Variants in STK25 observed in about 807,000 individuals in gnomAD.
STK25 encodes the protein serine/threonine-protein kinase 25.
In STK25, 29 loss-of-function variants were observed where a neutral mutation model predicts 53.8. The observed-to-expected ratio is 0.54, with a 90% CI of 0.40 to 0.74. STK25 has a LOEUF of 0.74. STK25 is among the 30% of genes least tolerant of loss of function. The pLI is 0.00. For synonymous variants in STK25, 247 were observed against 238.3 expected (o/e 1.04, Z -0.33); for missense variants, 420 against 568.0 (o/e 0.74, Z 2.65).
intron 5 of STK25, chr2:241,499,823 C>A: frequency 2.2e-6 from 1 of 455,950 alleles, no homozygotes; most frequent in Non-Finnish European, 4.1e-6. Context: ...TCCCCATGGG[C>A]TGGCCCAGCC....
rs922622453 is a variant in STK25 at position 241,493,719 on chromosome 2, T to C, written c.*1943A>G. The C allele has an allele frequency of 6.0e-4, 311 of 516,364 alleles. No individual in the cohort carries two copies. Among genetic ancestry groups the C allele is most frequent in the Admixed American group, 5.6e-4 (17 of 30,328 alleles). 32.0% of individuals were successfully genotyped at this position (516,364 alleles called of 1,614,324 possible). A position where few individuals can be genotyped will look rare whatever the true frequency, so the allele number is the denominator to read the frequency against. ...AAGCGATTCTTCTGCCTCAGCCTCC[T>C]GAGTAACTGAGATTACAGGCATGCA... On this transcript the variant is annotated 3_prime_UTR_variant, in exon 12 of 12. Transcript: ENST00000316586.
At position 241,507,919 on chromosome 2, in the gene STK25, G is replaced by A. The variant is rs535279641; in HGVS notation, c.30+87C>T. The A allele has an allele frequency of 4.4e-6, 6 of 1,368,220 alleles. No individual in the cohort carries two copies. The Admixed American group carries it at 6.1e-5, about 14-fold the overall frequency. The allele number at this position is 1,368,220 out of a possible 1,614,324, so 84.8% of individuals were successfully genotyped here. A position where few individuals can be genotyped will look rare whatever the true frequency, so the allele number is the denominator to read the frequency against. Reference sequence around the variant, plus strand: ...CTTCCCTCACCCCACTGCCCGCTCCGGCGTGGCGCTCCCCTCTGAACCCCC... The same window carrying A: ...CTTCCCTCACCCCACTGCCCGCTCCAGCGTGGCGCTCCCCTCTGAACCCCC... On this transcript the variant is annotated intron_variant, in intron 2 of 11. Transcript: ENST00000316586.
intron 11 of STK25, among the ~76,000 whole-genome samples, chr2:241,495,981 C>T (rs1039129349): frequency 2.0e-5 from 3 of 152,212 alleles, no homozygotes; most frequent in South Asian, 2.1e-4. Context: ...GTCCGTTGGG[C>T]GGTGGAGGGC....
intron 2 of STK25, among the ~76,000 whole-genome samples, chr2:241,506,388 A>G (rs890834237): frequency 6.6e-6 from 1 of 152,264 alleles, no homozygotes; most frequent in Non-Finnish European, 1.5e-5. Flanking sequence ...GATCGCACCA[A>G]GAACCAATAG....
upstream of STK25, chr2:241,508,800 G>A: frequency 1.0e-6 from 1 of 966,452 alleles, no homozygotes; most frequent in Non-Finnish European, 1.2e-6. Context: ...TGCGTCTCCC[G>A]GCAGGCCGCG....
intron 2 of STK25, among the ~76,000 whole-genome samples, chr2:241,503,662 A>T (rs13395025): frequency 0.04 from 5,803 of 146,006 alleles, 395 homozygotes; most frequent in African/African-American, 0.14. Context: ...GTGCCACTGC[A>T]CTCCAGCCTG....
At position 241,494,897 on chromosome 2, in the gene STK25, A is replaced by G. The variant is rs1291714125; in HGVS notation, c.*765T>C. Reference sequence around the variant, plus strand: ...CCGGTGGGCCAAGCAGAGCCCAGGAATCCGTCACAGGGAAGTTTCGAAGGG... The same window carrying G: ...CCGGTGGGCCAAGCAGAGCCCAGGAGTCCGTCACAGGGAAGTTTCGAAGGG... On this transcript the variant is annotated 3_prime_UTR_variant, in exon 12 of 12. Coordinates refer to ENST00000316586, the MANE Select transcript of STK25 (RefSeq NM_001271977.2). This position sits in a 1 kb window ranked among gnomAD's most constrained non-coding sequence, Gnocchi z 4.9. 6.6e-6 allele frequency: 1 copy of G among 152,016 alleles called. No homozygotes were observed. Among genetic ancestry groups the G allele is most frequent in the Non-Finnish European group, 1.5e-5 (1 of 68,034 alleles). The allele number at this position is 152,016 out of a possible 1,614,324, so 9.4% of individuals were successfully genotyped here. A position where few individuals can be genotyped will look rare whatever the true frequency, so the allele number is the denominator to read the frequency against.
At chr2:241,495,823 G>A in intron 11 of STK25, 122 bp from the exon 12 acceptor site, 1 of 979,582 alleles carries the variant, frequency 1.0e-6, no homozygotes, top group Non-Finnish European at 1.6e-6. Flanking sequence ...TGGGTCTGAA[G>A]GTGTCCCCAA....
rs530850538 is a variant in STK25, at chr2:241,496,780, G to A, written c.1105-246C>T. 8.9e-4 allele frequency among the ~76,000 whole-genome samples: 136 copies of A among 152,218 alleles called. 1 individual carries two copies. Among genetic ancestry groups the A allele is most frequent in the African/African-American group, 2.7e-3 (113 of 41,514 alleles). ...TTCCCCCTACACTCCGGGGAATCTC[G>A]GACCTCGGTTCTCAGGAGGGGACCA... On this transcript the variant is annotated intron_variant, in intron 10 of 11. Transcript: ENST00000316586. This position sits in a 1 kb window ranked among gnomAD's most constrained non-coding sequence, Gnocchi z 5.8.
rs777972537 is a variant in STK25 at position 241,498,756 on chromosome 2, T to C, written c.800A>G (p.His267Arg). The change falls in exon 8 of 12, where the codon CAC becomes CGC. Residue 267 changes from histidine (H) to arginine (R), a missense_variant. His to Arg is a conservative substitution (Grantham distance 29). Coordinates refer to ENST00000316586, the MANE Select transcript of STK25 (RefSeq NM_001271977.2). ...CTTGGTGTAGCGTGTGATGAACTTG[T>C]GCTTCAGGAGCTCCTTGGCCGTGGG... is the stretch of plus-strand genomic sequence containing the variant. ...FRPTAKELLK[H>R]KFITRYTKKT... is the part of the protein sequence containing the mutation. 1 of 1,614,134 alleles carries C rather than the reference T, an allele frequency of 6.2e-7. No individual in the cohort carries two copies. The highest frequency in any genetic ancestry group is 8.5e-7 in the Non-Finnish European group (1 of 1,180,020).
intron 2 of STK25, among the ~76,000 whole-genome samples, chr2:241,506,250 T>C (rs550367861): frequency 6.6e-6 from 1 of 152,338 alleles, no homozygotes; most frequent in African/African-American, 2.4e-5. Context: ...CCTCAGGTTT[T>C]CTGCCACTAT....
rs756879789 is a variant in STK25 at position 241,501,724 on chromosome 2, G to A, written c.31-16C>T. On this transcript the variant is annotated splice_polypyrimidine_tract_variant and intron_variant, in intron 2 of 11. Transcript: ENST00000316586. This position sits in a 1 kb window ranked among gnomAD's most constrained non-coding sequence, Gnocchi z 5.3. Reference sequence around the variant, plus strand: ...CTCGAGAGTGCTGTGGGGCCAGGGCGGGGACAGAGGGCAGACAGCGCCGGT... The same window carrying A: ...CTCGAGAGTGCTGTGGGGCCAGGGCAGGGACAGAGGGCAGACAGCGCCGGT... 161 of 1,598,804 alleles carry A rather than the reference G, an allele frequency of 1.0e-4. No individual in the cohort carries two copies. The highest frequency in any genetic ancestry group is 1.2e-4 in the Non-Finnish European group (142 of 1,168,796).
In STK25 at chr2:241,504,977, C is replaced by T. The variant is rs4276021; in HGVS notation, c.30+3029G>A. The stretch of plus-strand genomic sequence containing the variant: ...TGTTGCCCAGGCTGGAGTGCAGTGG[C>T]GTGATCTCGGCTCACTGCAACCTCC... On this transcript the variant is annotated intron_variant, in intron 2 of 11. Transcript: ENST00000316586. 7.2e-3 allele frequency among the ~76,000 whole-genome samples: 1,082 copies of T among 150,988 alleles called. 31 individuals carry two copies. In the South Asian group the frequency reaches 0.075, roughly 10 times the overall value.
chr2:241,508,744 G>A (rs901258287), upstream of STK25: 2 of 985,260 alleles, frequency 2.0e-6, no homozygotes, highest in Non-Finnish European at 2.4e-6. Flanking sequence ...CATGCGCGCC[G>A]CGAGGCTCTC....
At position 241,494,369 on chromosome 2, in the gene STK25, C is replaced by T; in HGVS notation, c.*1293G>A. 2 of 321,082 alleles carry T rather than the reference C, an allele frequency of 6.2e-6. No individual in the cohort carries two copies. The highest frequency in any genetic ancestry group is 7.9e-4 in the Middle Eastern group (1 of 1,262). The allele number at this position is 321,082 out of a possible 1,614,324, so 19.9% of individuals were successfully genotyped here. ...AAATGTGCGAGTCTTGAGCGCGGAG[C>T]CGCTCAAGCCACAGCTCCCAGGCCC... On this transcript the variant is annotated 3_prime_UTR_variant, in exon 12 of 12. Coordinates refer to ENST00000316586, the MANE Select transcript of STK25 (RefSeq NM_001271977.2). The surrounding 1 kb of genome is among the most constrained non-coding windows in gnomAD (Gnocchi z 4.9).
chr2:241,500,891 C>A, intron 3 of STK25, 95 bp from the exon 4 acceptor site: 1 of 1,217,986 alleles, frequency 8.2e-7, no homozygotes, highest in African/African-American at 1.5e-5. Context: ...AGGGCCCAGG[C>A]CCCACCGGTC....
chr2:241,495,882 G>C (rs1027338794), intron 11 of STK25, among the ~76,000 whole-genome samples, 181 bp from the exon 12 acceptor site: 3 of 152,252 alleles, frequency 2.0e-5, no homozygotes, highest in African/African-American at 7.2e-5. Flanking sequence ...CCCACCCCCA[G>C]AGCTGCTGCC....
Position 241,493,029 on chromosome 2 carries a change from C to CTCA in STK25, c.*2630_*2632dup, listed in dbSNP as rs747259324. ...AACTTCTGTTTGTTCTTCTACAAAA[C>CTCA]TCATCAGGTACTGGAGTTTCACTGG... On this transcript the variant is annotated 3_prime_UTR_variant, in exon 12 of 12. Coordinates refer to ENST00000316586, the MANE Select transcript of STK25 (RefSeq NM_001271977.2). 6.3e-7 allele frequency: 1 copy of CTCA among 1,576,512 alleles called. No homozygotes were observed. The highest frequency in any genetic ancestry group is 2.2e-5 in the East Asian group (1 of 44,720).
rs1233619468 is a variant in STK25 at position 241,501,279 on chromosome 2, G to A, written c.261+199C>T. On this transcript the variant is annotated intron_variant, in intron 3 of 11. Coordinates refer to ENST00000316586, the MANE Select transcript of STK25 (RefSeq NM_001271977.2). This position sits in a 1 kb window ranked among gnomAD's most constrained non-coding sequence, Gnocchi z 5.3. ...ACTGCATTACCACAGGCAGGCAAGT[G>A]GGTCCCAATGGCCATTTAGAGCCAA... 1 of 637,322 alleles carries A rather than the reference G, an allele frequency of 1.6e-6. No homozygotes were observed. The highest frequency in any genetic ancestry group is 2.8e-6 in the Non-Finnish European group (1 of 353,132). The allele number at this position is 637,322 out of a possible 1,614,324, so 39.5% of individuals were successfully genotyped here.
Sources: allele counts gnomAD v4.1 joint callset (sites outside exome capture counted in the v4.1 genomes callset), GRCh38; gene constraint gnomAD v4.1.1; non-coding constraint Gnocchi (gnomAD v3.1); transcripts MANE v1.5; gene names NCBI Gene and HGNC (gene_info 2026-07-23, HGNC 2026-07-21).